Variants in PRKD1 observed in about 807,000 individuals in gnomAD.
PRKD1 encodes serine/threonine-protein kinase D1.
A neutral mutation model predicts 95.9 loss-of-function variants in PRKD1; 63 were observed. The ratio of observed to expected loss-of-function variants is 0.66; its 90% confidence interval spans 0.54 to 0.81. PRKD1 has a LOEUF of 0.81. PRKD1 is among the 30% of genes least tolerant of loss of function. The pLI is 0.00. For missense variants in PRKD1, 1,048 were observed against 1,165.3 expected (o/e 0.90, Z 1.47); for synonymous variants, 425 against 423.1 (o/e 1.00, Z -0.05).
chr14:29,709,896 C>T (rs759639817), intron 2 of PRKD1, among the ~76,000 whole-genome samples: 4 of 152,076 alleles, frequency 2.6e-5, no homozygotes, highest in Admixed American at 6.6e-5. Context: ...ACAGACACAC[C>T]GGGAATAACC....
intron 1 of PRKD1, among the ~76,000 whole-genome samples, chr14:29,851,723 C>A (rs1422851293): frequency 6.6e-6 from 1 of 152,110 alleles, no homozygotes; most frequent in Non-Finnish European, 1.5e-5. Context: ...TGAGCAATAT[C>A]ATTACTGGAT....
intron 1 of PRKD1, among the ~76,000 whole-genome samples, chr14:29,913,323 G>T (rs967635846): frequency 6.6e-6 from 1 of 152,110 alleles, no homozygotes; most frequent in Non-Finnish European, 1.5e-5. Flanking sequence ...AATAAAATGT[G>T]TGCCCTAAGT....
In PRKD1 at chr14:29,927,406, G is replaced by GCGGGCC. The variant is rs1481807290; in HGVS notation, c.101_106dup (p.Gly34_Pro35dup). On this transcript the variant is annotated inframe_insertion, in exon 1 of 18. Coordinates refer to ENST00000331968, the MANE Select transcript of PRKD1 (RefSeq NM_002742.3). ...GGCCGCGACAGGAGCCAAGAACGGC[G>GCGGGCC]CGGGCCCGGGCCCGGACCCTGGGAC... The GCGGGCC allele has an allele frequency of 4.0e-6, 6 of 1,509,222 alleles. No homozygotes were observed. The highest frequency in any genetic ancestry group is 1.4e-5 in the African/African-American group (1 of 69,432). 93.5% of individuals were successfully genotyped at this position (1,509,222 alleles called of 1,614,324 possible). A position where few individuals can be genotyped will look rare whatever the true frequency, so the allele number is the denominator to read the frequency against.
chr14:29,817,646 G>A (rs1359280586), intron 1 of PRKD1, among the ~76,000 whole-genome samples: 1 of 152,120 alleles, frequency 6.6e-6, no homozygotes, highest in Non-Finnish European at 1.5e-5. Context: ...ATAGAGGACA[G>A]AGAGATGAGG....
chr14:29,735,621 G>T (rs951156730), intron 1 of PRKD1, among the ~76,000 whole-genome samples: 2 of 152,216 alleles, frequency 1.3e-5, no homozygotes, highest in Non-Finnish European at 2.9e-5. Flanking sequence ...TGTGATGCAA[G>T]AGTCAGGTGG....
chr14:29,793,870 G>C (rs1889686771), intron 1 of PRKD1, among the ~76,000 whole-genome samples: 1 of 151,908 alleles, frequency 6.6e-6, no homozygotes, highest in Admixed American at 6.6e-5. Context: ...AAATTAAGGA[G>C]AGAAAATGGA....
At chr14:29,927,218 G>A (rs749364889) in intron 1 of PRKD1, 31 bp downstream of exon 1, 6 of 1,468,392 alleles carry the variant, frequency 4.1e-6, no homozygotes, top group Admixed American at 5.0e-5. Context: ...CCGCGGGGAG[G>A]CGCCGGGCTG....
chr14:29,921,025 G>C (rs1895083712), intron 1 of PRKD1, among the ~76,000 whole-genome samples: 1 of 152,140 alleles, frequency 6.6e-6, no homozygotes, highest in African/African-American at 2.4e-5. Flanking sequence ...TTGAGAACCA[G>C]AATTTTGAAT....
chr14:29,701,165 TAC>T (rs1884825081), intron 2 of PRKD1, among the ~76,000 whole-genome samples: 1 of 152,198 alleles, frequency 6.6e-6, no homozygotes, highest in Non-Finnish European at 1.5e-5. Flanking sequence ...TGAACTTCCT[TAC>T]CAAAGTTTTA....
intron 1 of PRKD1, among the ~76,000 whole-genome samples, chr14:29,740,215 TCTCA>T (rs1200622420): frequency 1.3e-5 from 2 of 152,180 alleles, no homozygotes; most frequent in East Asian, 3.9e-4. Context: ...ACACTATTTG[TCTCA>T]CTCTGAATAA....
rs1180582832 is a variant in PRKD1, at chr14:29,858,885, A to T, written c.264+68364T>A. Reference sequence around the variant, plus strand: ...GGGAGGGGGCACTATAACCTATTGCACCTATAAGTGTCTGTAAGTCACTTC... The same window carrying T: ...GGGAGGGGGCACTATAACCTATTGCTCCTATAAGTGTCTGTAAGTCACTTC... On this transcript the variant is annotated intron_variant, in intron 1 of 17. Transcript: ENST00000331968. 5.9e-5 allele frequency among the ~76,000 whole-genome samples: 9 copies of T among 152,150 alleles called. No individual in the cohort carries two copies. In the South Asian group the frequency reaches 1.0e-3, roughly 17 times the overall value.
At chr14:29,748,768 A>T (rs1887346850) in intron 1 of PRKD1, among the ~76,000 whole-genome samples, 1 of 152,182 alleles carries the variant, frequency 6.6e-6, no homozygotes, top group African/African-American at 2.4e-5. Flanking sequence ...AAAATTAAAG[A>T]AATAAAGATG....
intron 1 of PRKD1, among the ~76,000 whole-genome samples, chr14:29,909,815 C>G (rs1358196484): frequency 6.6e-6 from 1 of 152,188 alleles, no homozygotes. Context: ...ACACACCAAT[C>G]AGCACCCTGT....
At chr14:29,908,662 T>C (rs1005190464) in intron 1 of PRKD1, among the ~76,000 whole-genome samples, 3 of 152,196 alleles carry the variant, frequency 2.0e-5, no homozygotes, top group African/African-American at 7.2e-5. Context: ...AAAAATAGAA[T>C]CCTAAATTTC....
At chr14:29,656,383 T>A (rs1331763044) in intron 4 of PRKD1, 8 of 1,291,318 alleles carry the variant, frequency 6.2e-6, no homozygotes, top group Admixed American at 2.0e-5. Flanking sequence ...TCTCATAAAG[T>A]CAGTACAGAC....
intron 1 of PRKD1, among the ~76,000 whole-genome samples, chr14:29,726,092 G>C (rs1886128259): frequency 6.6e-6 from 1 of 150,936 alleles, no homozygotes; most frequent in East Asian, 2.0e-4. Context: ...CAATTTGTTT[G>C]CAAAAAACTG....
intron 1 of PRKD1, among the ~76,000 whole-genome samples, chr14:29,808,789 T>C (rs967132466): frequency 2.6e-5 from 4 of 152,188 alleles, no homozygotes; most frequent in African/African-American, 9.6e-5. Flanking sequence ...CATCCATAAG[T>C]GTTGGAATCA....
intron 1 of PRKD1, among the ~76,000 whole-genome samples, chr14:29,878,194 T>G (rs907754495): frequency 1.3e-5 from 2 of 152,068 alleles, no homozygotes. Context: ...AAATAACTAT[T>G]GAGCACTTGG....
At chr14:29,793,520 T>C (rs1172159673) in intron 1 of PRKD1, among the ~76,000 whole-genome samples, 6 of 152,164 alleles carry the variant, frequency 3.9e-5, no homozygotes, top group South Asian at 2.1e-4. Flanking sequence ...ATGTGTGTTC[T>C]GTGGGAAGAG....
Sources: gnomAD v4.1 joint callset for allele counts (sites outside exome capture counted in the v4.1 genomes callset) on GRCh38, gnomAD v4.1.1 for gene constraint, MANE v1.5 for transcripts, NCBI Gene and HGNC (gene_info 2026-07-23, HGNC 2026-07-21) for gene names.